Variants in BTBD8 observed in about 807,000 individuals in gnomAD.
BTBD8 encodes BTB/POZ domain-containing protein 8.
Under a neutral mutation model 162.9 loss-of-function variants are expected in BTBD8, and 110 were observed. The observed-to-expected ratio is 0.68, with a 90% CI of 0.58 to 0.79. BTBD8 has a LOEUF of 0.79. BTBD8 is among the 30% of genes least tolerant of loss of function. BTBD8 has a pLI of 0.00. For missense variants in BTBD8, 1,905 were observed against 2,085.4 expected (o/e 0.91, Z 1.68); for synonymous variants, 667 against 716.1 (o/e 0.93, Z 1.10).
chr1:92,176,829 C>G lies in BTBD8; in HGVS notation c.1636C>G (p.Gln546Glu). 1.5e-6 allele frequency: 2 copies of G among 1,347,718 alleles called. No individual in the cohort carries two copies. The highest frequency in any genetic ancestry group is 1.9e-6 in the Non-Finnish European group (2 of 1,026,730). The allele number at this position is 1,347,718 out of a possible 1,614,324, so 83.5% of individuals were successfully genotyped here. Residue 546 changes from glutamine to glutamate, a missense_variant and splice_region_variant, in exon 14 of 18, where the codon CAA (glutamine) becomes GAA (glutamate). By Grantham distance (29) the Gln-to-Glu change is conservative. Around this residue, in one of 3 missense-constraint regions of BTBD8, gnomAD observed 1,374 missense variants for 1,442.7 expected, o/e 0.95. Coordinates refer to ENST00000636805, the MANE Select transcript of BTBD8 (RefSeq NM_001376131.1). The stretch of plus-strand genomic sequence containing the variant: ...AAAGTATTTTTTTTCTTTTTTATAG[C>G]AAAGGAAACAAGTTTCTGACTCTGG... ...GKKPIFSSSQQRKQVSDSGDI... is the reference protein window; with the variant it reads ...GKKPIFSSSQERKQVSDSGDI...
At chr1:92,100,285 T>C (rs1411398730) in intron 2 of BTBD8, among the ~76,000 whole-genome samples, 1 of 152,204 alleles carries the variant, frequency 6.6e-6, no homozygotes, top group Non-Finnish European at 1.5e-5. Flanking sequence ...AATGTTGGCC[T>C]ATGTTTTTCT....
intron 4 of BTBD8, chr1:92,126,217 G>A (rs147718049): frequency 2.6e-5 from 14 of 540,968 alleles, no homozygotes; most frequent in African/African-American, 1.7e-4. Context: ...ATTCTAGAGG[G>A]GCCAGCTGCT....
intron 5 of BTBD8, among the ~76,000 whole-genome samples, chr1:92,137,039 T>C (rs1403230892): frequency 2.0e-5 from 3 of 152,140 alleles, no homozygotes; most frequent in Admixed American, 2.0e-4. Context: ...GGGGAAAGCA[T>C]TTTAAGCACA....
chr1:92,159,346 T>C (rs1650234827), intron 9 of BTBD8, among the ~76,000 whole-genome samples: 1 of 151,982 alleles, frequency 6.6e-6, no homozygotes, highest in African/African-American at 2.4e-5. Flanking sequence ...AGCTAATTTT[T>C]TGTATTTTTT....
At chr1:92,120,866 G>A (rs755395749) in intron 4 of BTBD8, among the ~76,000 whole-genome samples, 8 of 152,142 alleles carry the variant, frequency 5.3e-5, no homozygotes, top group Non-Finnish European at 8.8e-5. Context: ...AGGTTCAAGC[G>A]ATTCTTATGC....
At chr1:92,138,184 GC>G (rs1649677105) in intron 5 of BTBD8, among the ~76,000 whole-genome samples, 1 of 152,130 alleles carries the variant, frequency 6.6e-6, no homozygotes, top group Non-Finnish European at 1.5e-5. Flanking sequence ...GATGCTATGT[GC>G]CCCAAGTGCT....
chr1:92,113,664 T>C (rs563565198), intron 4 of BTBD8, among the ~76,000 whole-genome samples: 1 of 152,210 alleles, frequency 6.6e-6, no homozygotes, highest in South Asian at 2.1e-4. Flanking sequence ...GTGACCTAGG[T>C]GGAATAAATT....
At chr1:92,157,635 C>A (rs1389851704) in intron 9 of BTBD8, among the ~76,000 whole-genome samples, 1 of 151,940 alleles carries the variant, frequency 6.6e-6, no homozygotes, top group Non-Finnish European at 1.5e-5. Flanking sequence ...GTAGCTGGAA[C>A]TACAGGCATG....
chr1:92,108,920 A>G (rs187743039), intron 4 of BTBD8, among the ~76,000 whole-genome samples: 1 of 152,310 alleles, frequency 6.6e-6, no homozygotes, highest in East Asian at 1.9e-4. Flanking sequence ...TAATGAAATT[A>G]GCAGTGGGTT....
At position 92,182,197 on chromosome 1, in the gene BTBD8, A is replaced by G; in HGVS notation, c.4514A>G (p.Asn1505Ser). The G allele has an allele frequency of 6.4e-7, 1 of 1,550,852 alleles. No individual in the cohort carries two copies. The highest frequency in any genetic ancestry group is 8.7e-7 in the Non-Finnish European group (1 of 1,146,732). Residue 1505 changes from asparagine (N) to serine (S), a missense_variant, in exon 17 of 18, where the codon AAT (asparagine) becomes AGT (serine). By Grantham distance (46) the Asn-to-Ser change is conservative. Around this residue, in one of 3 missense-constraint regions of BTBD8, gnomAD observed 517 missense variants for 606.6 expected, o/e 0.85. Transcript: ENST00000636805. Reference protein sequence around the residue: ...NILECKQNKGNSVCKNESTVL... With the variant: ...NILECKQNKGSSVCKNESTVL... ...TTAGAATGTAAACAAAATAAAGGCA[A>G]TAGTGTATGTAAAAATGAAAGCACT...
At chr1:92,144,036 C>T (rs544556) in intron 7 of BTBD8, among the ~76,000 whole-genome samples, 3,684 of 130,952 alleles carry the variant, frequency 0.028, 64 homozygotes, top group Admixed American at 0.031. Context: ...GCAAGTGGTG[C>T]GATCTCAGCT....
intron 6 of BTBD8, chr1:92,139,663 AT>A: frequency 3.0e-6 from 2 of 666,274 alleles, no homozygotes; most frequent in Non-Finnish European, 3.9e-6. Context: ...TTAGACTTAA[AT>A]TTAGAAGAAG....
At chr1:92,151,997 T>A (rs72956885) in intron 9 of BTBD8, among the ~76,000 whole-genome samples, 2,687 of 152,238 alleles carry the variant, frequency 0.018, 75 homozygotes, top group African/African-American at 0.062. Flanking sequence ...AATACTTTTT[T>A]TGTGAAATTT....
chr1:92,147,180 C>A lies in BTBD8; in HGVS notation c.931C>A (p.Pro311Thr). The A allele has an allele frequency of 6.3e-7, 1 of 1,592,108 alleles. No homozygotes were observed. The highest frequency in any genetic ancestry group is 8.6e-7 in the Non-Finnish European group (1 of 1,169,348). The change falls in exon 8 of 18, where the codon CCT becomes ACT. Residue 311 changes from proline to threonine, a missense_variant and splice_region_variant. Pro to Thr is a conservative substitution (Grantham distance 38). Transcript: ENST00000636805. ...ATATGGTGTTTTCCATCAATTTTAG[C>A]CTGTTCCCAGAACATTGACGTCTAT... The part of the protein sequence containing the change: ...RRDYCNFFQK[P>T]VPRTLTSILE...
At chr1:92,161,119 G>A (rs180791848) in intron 9 of BTBD8, among the ~76,000 whole-genome samples, 1 of 152,290 alleles carries the variant, frequency 6.6e-6, no homozygotes. Flanking sequence ...CTGGTTTCAT[G>A]CTCATCCTCA....
chr1:92,170,201 T>C (rs1050805181), intron 12 of BTBD8, among the ~76,000 whole-genome samples: 1 of 152,172 alleles, frequency 6.6e-6, no homozygotes, highest in Admixed American at 6.5e-5. Context: ...TAAAATGTTA[T>C]TGGTAATCCA....
At chr1:92,119,511 C>T (rs1649134997) in intron 4 of BTBD8, among the ~76,000 whole-genome samples, 1 of 152,024 alleles carries the variant, frequency 6.6e-6, no homozygotes. Flanking sequence ...GTTTCACACG[C>T]CTGGGCTCAA....
In BTBD8 at chr1:92,167,966, C is replaced by CT. The variant is rs1327352175; in HGVS notation, c.1425dup (p.Asp476Ter). The CT allele has an allele frequency of 4.5e-6, 7 of 1,547,254 alleles. No homozygotes were observed. In the Admixed American group the frequency reaches 1.2e-4, roughly 26 times the overall value. ...ATGGCTCTGGACACACTGCTGAACTCTGACAGTACAAAGGAAATGGTACTG... is the reference window on the plus strand; with the variant it reads ...ATGGCTCTGGACACACTGCTGAACTCTTGACAGTACAAAGGAAATGGTACTG... On this transcript the variant is annotated frameshift_variant, in exon 11 of 18. Transcript: ENST00000636805. LOFTEE classifies it high-confidence loss of function.
intron 5 of BTBD8, 116 bp downstream of exon 5, chr1:92,129,892 G>A: frequency 1.1e-6 from 1 of 882,030 alleles, no homozygotes; most frequent in Middle Eastern, 2.4e-4. Context: ...TTCTCATGTA[G>A]AATTCAACAA....
Sources: allele counts gnomAD v4.1 joint callset (sites outside exome capture counted in the v4.1 genomes callset), GRCh38; gene constraint gnomAD v4.1.1; regional missense constraint gnomAD v4.1.1; transcripts MANE v1.5; gene names NCBI Gene and HGNC (gene_info 2026-07-23, HGNC 2026-07-21).